The following CDC42BPB variants were observed in gnomAD, a reference collection of about 807,000 sequenced individuals.
CDC42BPB encodes CDC42 binding protein kinase beta, also known as serine/threonine-protein kinase MRCK beta.
A neutral mutation model predicts 214.9 loss-of-function variants in CDC42BPB; 37 were observed. That is an observed-to-expected ratio of 0.17 (90% CI 0.13 to 0.23). The LOEUF (loss-of-function observed/expected upper bound fraction) is 0.23. CDC42BPB is among the 10% of genes least tolerant of loss of function. The pLI, the probability that CDC42BPB is intolerant of heterozygous loss-of-function variation, is 1.00. For missense variants in CDC42BPB, 1,694 were observed against 2,227.0 expected, an observed-to-expected ratio of 0.76 and a Z score of 4.82; for synonymous variants, 931 against 884.0, an observed-to-expected ratio of 1.05 and a Z score of -0.94.
intron 1 of CDC42BPB, among the ~76,000 whole-genome samples, chr14:103,027,153 AC>A (rs1324733392): frequency 6.6e-6 from 1 of 152,186 alleles, no homozygotes; most frequent in East Asian, 1.9e-4. Flanking sequence ...CTTCACACCC[AC>A]TAGGGTAGCT....
chr14:102,951,998 C>A (rs1892511767), intron 24 of CDC42BPB, among the ~76,000 whole-genome samples: 1 of 152,102 alleles, frequency 6.6e-6, no homozygotes, highest in African/African-American at 2.4e-5. Context: ...CACAATGGAG[C>A]CCCCAGCACA....
intron 5 of CDC42BPB, among the ~76,000 whole-genome samples, chr14:102,997,164 G>A (rs1482097500): frequency 6.6e-6 from 1 of 152,162 alleles, no homozygotes; most frequent in Non-Finnish European, 1.5e-5. Flanking sequence ...CCGAGCACAG[G>A]CCTACAGCTC....
Position 103,008,496 on chromosome 14 carries a change from C to T in CDC42BPB, c.327G>A (p.Lys109=). The T allele has an allele frequency of 1.2e-6, 2 of 1,611,496 alleles. No homozygotes were observed. The highest frequency in any genetic ancestry group is 1.7e-6 in the Non-Finnish European group (2 of 1,177,536). The part of the protein sequence containing the change: ...ERIYAMKILN[K]WEMLKRAETA... The stretch of plus-strand genomic sequence containing the variant: ...CCTCTGCTCTTTTCAGCATCTCCCA[C>T]TTGTTGAGGATTTTCATTGCATAAA... The change falls in exon 3 of 37, where the codon AAG becomes AAA. Residue 109 remains lysine (K), a synonymous_variant. Transcript: ENST00000361246.
chr14:102,941,601 G>C (rs1891892589), intron 30 of CDC42BPB: 1 of 973,384 alleles, frequency 1.0e-6, no homozygotes, highest in Non-Finnish European at 1.2e-6. Flanking sequence ...CCGAGTATGT[G>C]GGGATTCGCT....
chr14:102,946,997 T>G (rs1037287980), intron 27 of CDC42BPB: 6 of 412,464 alleles, frequency 1.5e-5, no homozygotes, highest in African/African-American at 1.3e-4. Flanking sequence ...TAAAAGTAGA[T>G]TCTGAAAATG....
At chr14:103,053,556 T>C (rs542514725) in intron 1 of CDC42BPB, among the ~76,000 whole-genome samples, 2 of 151,314 alleles carry the variant, frequency 1.3e-5, no homozygotes, top group East Asian at 2.0e-4. Flanking sequence ...GGTCTGGAGA[T>C]CGAGACCATC....
intron 1 of CDC42BPB, among the ~76,000 whole-genome samples, chr14:103,053,645 C>A (rs35772979): frequency 0.014 from 2,166 of 151,076 alleles, 25 homozygotes; most frequent in Non-Finnish European, 0.024. Flanking sequence ...GCCTGTAGTC[C>A]CAGCTACTCA....
chr14:102,938,246 T>A, intron 35 of CDC42BPB, 60 bp downstream of exon 35: 1 of 1,601,064 alleles, frequency 6.2e-7, no homozygotes, highest in South Asian at 1.1e-5. Context: ...GGTCTCCCCA[T>A]TCCAGCACCC....
chr14:103,038,248 T>A (rs536861227), intron 1 of CDC42BPB, among the ~76,000 whole-genome samples: 1 of 142,286 alleles, frequency 7.0e-6, no homozygotes. Context: ...GGCAGGAGAA[T>A]AGCGTGAACC....
chr14:103,018,656 G>A (rs1886599971), intron 1 of CDC42BPB, among the ~76,000 whole-genome samples: 1 of 152,218 alleles, frequency 6.6e-6, no homozygotes, highest in Non-Finnish European at 1.5e-5. Context: ...GAGAGGCCAG[G>A]AGAGCAGCAG....
chr14:102,983,883 C>G (rs1009166675), intron 6 of CDC42BPB, 127 bp from the exon 7 acceptor site: 1 of 1,455,036 alleles, frequency 6.9e-7, no homozygotes, highest in Non-Finnish European at 9.0e-7. Flanking sequence ...GATGAATGAT[C>G]GTGTTTTTTA....
intron 1 of CDC42BPB, chr14:103,042,018 T>C (rs555581757): frequency 1.6e-5 from 4 of 247,894 alleles, no homozygotes; most frequent in Non-Finnish European, 3.4e-5. Context: ...ACATGGTCCA[T>C]GCTGACGCCC....
chr14:102,992,782 A>AT (rs898457445), intron 5 of CDC42BPB, among the ~76,000 whole-genome samples: 3 of 148,382 alleles, frequency 2.0e-5, no homozygotes, highest in Non-Finnish European at 4.5e-5. Context: ...ATATATTAAA[A>AT]ATATATATAT....
Position 102,946,526 on chromosome 14 carries a change from C to T in CDC42BPB, c.3690G>A (p.Leu1230=), listed in dbSNP as rs1283067844. 1 of 1,612,780 alleles carries T rather than the reference C, an allele frequency of 6.2e-7. No homozygotes were observed. Among genetic ancestry groups the T allele is most frequent in the Non-Finnish European group, 8.5e-7 (1 of 1,179,958 alleles). Residue 1230 remains leucine, a synonymous_variant, in exon 28 of 37, where the codon TTG becomes TTA. Coordinates refer to ENST00000361246, the MANE Select transcript of CDC42BPB (RefSeq NM_006035.4). ...RLRNQVVHVP[L]EAYDSSLPLI... ...GAGGCAGCGAGCTGTCGTAGGCTTC[C>T]AAGGGAACATGCACGACCTGATTCC...
chr14:102,940,329 C>G lies in CDC42BPB; in HGVS notation c.4409-5G>C. 6.4e-6 allele frequency: 10 copies of G among 1,563,686 alleles called. No individual in the cohort carries two copies. Among genetic ancestry groups the G allele is most frequent in the Non-Finnish European group, 8.7e-6 (10 of 1,154,366 alleles). Reference sequence around the variant, plus strand: ...TGACGTGGGTGGGGCTGCAACCTAGCGCAGACGGAGCAGGGCGGGGTGAGC... The same window carrying G: ...TGACGTGGGTGGGGCTGCAACCTAGGGCAGACGGAGCAGGGCGGGGTGAGC... On this transcript the variant is annotated splice_polypyrimidine_tract_variant and splice_region_variant and intron_variant, in intron 30 of 36. Coordinates refer to ENST00000361246, the MANE Select transcript of CDC42BPB (RefSeq NM_006035.4).
At position 103,001,801 on chromosome 14, in the gene CDC42BPB, T is replaced by A. The variant is rs1381463133; in HGVS notation, c.448-2088A>T. 6.6e-6 allele frequency among the ~76,000 whole-genome samples: 1 copy of A among 152,076 alleles called. No homozygotes were observed. The highest frequency in any genetic ancestry group is 1.5e-5 in the Non-Finnish European group (1 of 67,996). On this transcript the variant is annotated intron_variant, in intron 4 of 36. Coordinates refer to ENST00000361246, the MANE Select transcript of CDC42BPB (RefSeq NM_006035.4). The surrounding 1 kb of genome is among the most constrained non-coding windows in gnomAD (Gnocchi z 5.8). ...AAGGCCGTGGGGTCGAGTCAAGCCC[T>A]TACTAGCTGAGCCCCAGCCGCGTCC...
At position 102,970,029 on chromosome 14, in the gene CDC42BPB, T is replaced by C. The variant is rs991678837; in HGVS notation, c.1995+122A>G. 7 of 743,672 alleles carry C rather than the reference T, an allele frequency of 9.4e-6. No homozygotes were observed. The African/African-American group carries it at 1.2e-4, about 13-fold the overall frequency. 46.1% of individuals were successfully genotyped at this position (743,672 alleles called of 1,614,324 possible). A position where few individuals can be genotyped will look rare whatever the true frequency, so the allele number is the denominator to read the frequency against. ...CACCTCTCCACATGTGGGTCTTGTC[T>C]GAACAGCCTCGGGTGACACTCGGCC... On this transcript the variant is annotated intron_variant, in intron 14 of 36. Coordinates refer to ENST00000361246, the MANE Select transcript of CDC42BPB (RefSeq NM_006035.4).
chr14:102,985,844 G>A (rs1156510034), intron 6 of CDC42BPB, among the ~76,000 whole-genome samples: 1 of 152,280 alleles, frequency 6.6e-6, no homozygotes, highest in Admixed American at 6.5e-5. Context: ...CCAACAGGGT[G>A]TGAGCAGAGC....
Position 102,950,527 on chromosome 14 carries a change from T to C in CDC42BPB, c.3248A>G (p.Lys1083Arg). The change falls in exon 25 of 37, where the codon AAG (lysine) becomes AGG (arginine). Residue 1083 changes from lysine (K) to arginine (R), a missense_variant. Lys to Arg is a conservative substitution (Grantham distance 26). Around this residue, in one of 7 missense-constraint regions of CDC42BPB, gnomAD observed 567 missense variants for 790.3 expected, o/e 0.72. Coordinates refer to ENST00000361246, the MANE Select transcript of CDC42BPB (RefSeq NM_006035.4). ...QVCPIPPEQSKRPLGVDVQRG... is the reference protein window; with the variant it reads ...QVCPIPPEQSRRPLGVDVQRG... ...CTGCACGTCCACGCCCAGAGGCCTC[T>C]TGGACTGCTCGGGAGGTATTGGGCA... The C allele has an allele frequency of 6.2e-7, 1 of 1,613,124 alleles. No individual in the cohort carries two copies.
Sources: allele counts gnomAD v4.1 joint callset (sites outside exome capture counted in the v4.1 genomes callset), GRCh38; gene constraint gnomAD v4.1.1; regional missense constraint gnomAD v4.1.1; non-coding constraint Gnocchi (gnomAD v3.1); transcripts MANE v1.5; gene names NCBI Gene and HGNC (gene_info 2026-07-23, HGNC 2026-07-21).